FZD2: variants seen among roughly 807,000 people sequenced by gnomAD.
The protein encoded by FZD2 is frizzled-2.
FZD2 carries 17 observed loss-of-function variants against 36.7 expected under a neutral mutation model. The ratio of observed to expected loss-of-function variants is 0.46; its 90% CI spans 0.32 to 0.70. FZD2 has a LOEUF of 0.70. FZD2 is among the 30% of genes least tolerant of loss of function. FZD2 has a pLI of 0.04. For missense variants in FZD2, 525 were observed against 805.6 expected, an observed-to-expected ratio of 0.65 and a Z score of 4.22; for synonymous variants, 333 against 359.6, an observed-to-expected ratio of 0.93 and a Z score of 0.84.
rs555371706 is a variant in FZD2, at chr17:44,561,188, G to A, written c.*1802G>A. Among the ~76,000 whole-genome samples, 25 of 152,190 alleles carry A rather than the reference G, an allele frequency of 1.6e-4. No homozygotes were observed. The highest frequency in any genetic ancestry group is 4.3e-4 in the African/African-American group (18 of 41,524). On this transcript the variant is annotated 3_prime_UTR_variant, in exon 1 of 1. Transcript: ENST00000315323. The stretch of plus-strand genomic sequence containing the variant: ...AAGTATGCCACATAACTCAGTTTTC[G>A]CCATCTTCCATTTCTTAACAGTGTA...
Position 44,560,162 on chromosome 17 carries a change from G to A in FZD2, c.*776G>A, listed in dbSNP as rs974192772. 6.6e-6 allele frequency among the ~76,000 whole-genome samples: 1 copy of A among 152,144 alleles called. No individual in the cohort carries two copies. Among genetic ancestry groups the A allele is most frequent in the Non-Finnish European group, 1.5e-5 (1 of 68,042 alleles). The stretch of plus-strand genomic sequence containing the variant: ...TTCTTTTCAATTCGCTGCACCAAGT[G>A]CTTCCAGTGGCCCAAAAATGCTTTT... On this transcript the variant is annotated 3_prime_UTR_variant, in exon 1 of 1. Transcript: ENST00000315323.
rs918659656 is a variant in FZD2 at position 44,560,187 on chromosome 17, T to C, written c.*801T>C. Among the ~76,000 whole-genome samples the C allele has an allele frequency of 7.2e-5, 11 of 152,132 alleles. No homozygotes were observed. Among genetic ancestry groups the C allele is most frequent in the Non-Finnish European group, 1.5e-4 (10 of 68,028 alleles). ...GCTTCCAGTGGCCCAAAAATGCTTT[T>C]TGAAGTGTGTTTTGAAACAGCCCCC... On this transcript the variant is annotated 3_prime_UTR_variant, in exon 1 of 1. Coordinates refer to ENST00000315323, the MANE Select transcript of FZD2 (RefSeq NM_001466.4).
In FZD2 at chr17:44,558,006, C is replaced by G; in HGVS notation, c.318C>G (p.Ala106=). Residue 106 remains alanine (A), a synonymous_variant, in exon 1 of 1, where the codon GCC becomes GCG. Coordinates refer to ENST00000315323, the MANE Select transcript of FZD2 (RefSeq NM_001466.4). This position sits in a 1 kb window ranked among gnomAD's most constrained non-coding sequence, Gnocchi z 9.3. ...YAPVCTVLEQ[A]IPPCRSICER... is the part of the protein sequence containing the mutation. ...CCGTGTGCACCGTGCTGGAACAGGC[C>G]ATCCCGCCGTGCCGCTCTATCTGTG... is the stretch of plus-strand genomic sequence containing the variant. The G allele has an allele frequency of 6.2e-7, 1 of 1,613,814 alleles. No individual in the cohort carries two copies. The highest frequency in any genetic ancestry group is 8.5e-7 in the Non-Finnish European group (1 of 1,180,016).
Position 44,557,655 on chromosome 17 carries a change from G to T in FZD2, c.-34G>T, listed in dbSNP as rs1201826182. 1.5e-5 allele frequency: 17 copies of T among 1,167,500 alleles called. No homozygotes were observed. In the South Asian group the frequency reaches 4.2e-4, roughly 29 times the overall value. 72.3% of individuals were successfully genotyped at this position (1,167,500 alleles called of 1,614,324 possible). On this transcript the variant is annotated 5_prime_UTR_variant, in exon 1 of 1. Transcript: ENST00000315323. This position sits in a 1 kb window ranked among gnomAD's most constrained non-coding sequence, Gnocchi z 4.9. Reference sequence around the variant, plus strand: ...CGGGTTGGGGGCGGGGGCGGGGGGGGCGCCAAGGAGCCGGGTGGGGGGCGG... The same window carrying T: ...CGGGTTGGGGGCGGGGGCGGGGGGGTCGCCAAGGAGCCGGGTGGGGGGCGG...
At position 44,560,450 on chromosome 17, in the gene FZD2, A is replaced by AAAT. The variant is rs1970876311; in HGVS notation, c.*1064_*1065insAAT. ...TGTTTGGGGCTTATTTTTTTCAAAAAGTGATAAAGACGGGTGGGTTGGAGG... is the reference window on the plus strand; with the variant it reads ...TGTTTGGGGCTTATTTTTTTCAAAAAAATGTGATAAAGACGGGTGGGTTGGAGG... On this transcript the variant is annotated 3_prime_UTR_variant, in exon 1 of 1. Transcript: ENST00000315323. Among the ~76,000 whole-genome samples the AAAT allele has an allele frequency of 2.0e-4, 30 of 150,804 alleles. No homozygotes were observed. Among genetic ancestry groups the AAAT allele is most frequent in the Admixed American group, 2.0e-3 (30 of 15,148 alleles).
In FZD2 at chr17:44,559,414, G is replaced by A. The variant is rs968988981; in HGVS notation, c.*28G>A. 5 of 1,541,468 alleles carry A rather than the reference G, an allele frequency of 3.2e-6. No individual in the cohort carries two copies. The highest frequency in any genetic ancestry group is 4.1e-5 in the Admixed American group (2 of 48,846). On this transcript the variant is annotated 3_prime_UTR_variant, in exon 1 of 1. Coordinates refer to ENST00000315323, the MANE Select transcript of FZD2 (RefSeq NM_001466.4). This position sits in a 1 kb window ranked among gnomAD's most constrained non-coding sequence, Gnocchi z 4.4. The stretch of plus-strand genomic sequence containing the variant: ...GACGCCCCCAGGCCGGAACCGCGCG[G>A]CGCTTTCCTCCGCCCGGGGTGGGGC...
Position 44,559,146 on chromosome 17 carries a change from C to T in FZD2, c.1458C>T (p.Phe486=), listed in dbSNP as rs1970860345. ...VIACYFYEQA[F]REHWERSWVS... is the part of the protein sequence containing the mutation. Reference sequence around the variant, plus strand: ...CTTGCTACTTCTACGAGCAGGCCTTCCGCGAGCACTGGGAGCGCTCGTGGG... The same window carrying T: ...CTTGCTACTTCTACGAGCAGGCCTTTCGCGAGCACTGGGAGCGCTCGTGGG... Residue 486 remains phenylalanine, a synonymous_variant, in exon 1 of 1, where the codon TTC becomes TTT. Transcript: ENST00000315323. This position sits in a 1 kb window ranked among gnomAD's most constrained non-coding sequence, Gnocchi z 4.4. 1 of 1,613,996 alleles carries T rather than the reference C, an allele frequency of 6.2e-7. No individual in the cohort carries two copies. The highest frequency in any genetic ancestry group is 8.5e-7 in the Non-Finnish European group (1 of 1,180,022).
chr17:44,559,587 T>C lies in FZD2; in HGVS notation c.*201T>C. The C allele has an allele frequency of 5.7e-6, 3 of 530,316 alleles. No individual in the cohort carries two copies. Among genetic ancestry groups the C allele is most frequent in the South Asian group, 7.1e-5 (1 of 14,110 alleles). The allele number at this position is 530,316 out of a possible 1,614,324, so 32.9% of individuals were successfully genotyped here. On this transcript the variant is annotated 3_prime_UTR_variant, in exon 1 of 1. Transcript: ENST00000315323. This position sits in a 1 kb window ranked among gnomAD's most constrained non-coding sequence, Gnocchi z 4.4. ...TAAATAGTCTTTGTAAATTTAATTA[T>C]ATATATTTTCTATTTAAAAGAAAAA...
chr17:44,559,368 C>G lies in FZD2; in HGVS notation c.1680C>G (p.His560Gln), dbSNP rs1038724972. 1.9e-6 allele frequency: 3 copies of G among 1,604,950 alleles called. No homozygotes were observed. Among genetic ancestry groups the G allele is most frequent in the South Asian group, 2.2e-5 (2 of 89,784 alleles). Residue 560 changes from histidine (H) to glutamine (Q), a missense_variant, in exon 1 of 1, where the codon CAC (histidine) becomes CAG (glutamine). This residue lies in a region of FZD2 where 189 missense variants were observed against 298.1 expected (regional missense o/e 0.63). Coordinates refer to ENST00000315323, the MANE Select transcript of FZD2 (RefSeq NM_001466.4). The surrounding 1 kb of genome is among the most constrained non-coding windows in gnomAD (Gnocchi z 4.4). Reference protein sequence around the residue: ...KFYTRLTNSRHGETTV With the variant: ...KFYTRLTNSRQGETTV ...ACACTCGCCTCACCAACAGCCGACACGGTGAGACCACCGTGTGAGGGACGC... is the reference window on the plus strand; with the variant it reads ...ACACTCGCCTCACCAACAGCCGACAGGGTGAGACCACCGTGTGAGGGACGC...
rs904602738 is a variant in FZD2 at position 44,557,672 on chromosome 17, G to C, written c.-17G>C. 25 of 1,250,532 alleles carry C rather than the reference G, an allele frequency of 2.0e-5. No individual in the cohort carries two copies. Among genetic ancestry groups the C allele is most frequent in the East Asian group, 3.3e-5 (1 of 30,034 alleles). The allele number at this position is 1,250,532 out of a possible 1,614,324, so 77.5% of individuals were successfully genotyped here. On this transcript the variant is annotated 5_prime_UTR_variant, in exon 1 of 1. Transcript: ENST00000315323. The surrounding 1 kb of genome is among the most constrained non-coding windows in gnomAD (Gnocchi z 4.9). ...CGGGGGGGGCGCCAAGGAGCCGGGT[G>C]GGGGGCGGCGGCCAGCATGCGGCCC... is the stretch of plus-strand genomic sequence containing the variant.
In FZD2 at chr17:44,560,266, G is replaced by A. The variant is rs917871191; in HGVS notation, c.*880G>A. ...ATCCTGCCTCCCTTCATGTCTAGGG[G>A]AAGCATTCGCCTTTGAGCACTTGTT... On this transcript the variant is annotated 3_prime_UTR_variant, in exon 1 of 1. Transcript: ENST00000315323. 1.6e-4 allele frequency among the ~76,000 whole-genome samples: 25 copies of A among 152,156 alleles called. No individual in the cohort carries two copies. Among genetic ancestry groups the A allele is most frequent in the African/African-American group, 5.6e-4 (23 of 41,436 alleles).
Position 44,558,004 on chromosome 17 carries a change from G to C in FZD2, c.316G>C (p.Ala106Pro). The change falls in exon 1 of 1, where the codon GCC (alanine) becomes CCC (proline). Residue 106 changes from alanine to proline, a missense_variant. Ala to Pro is a conservative substitution (Grantham distance 27, BLOSUM62 -1). Coordinates refer to ENST00000315323, the MANE Select transcript of FZD2 (RefSeq NM_001466.4). This position sits in a 1 kb window ranked among gnomAD's most constrained non-coding sequence, Gnocchi z 9.3. ...YAPVCTVLEQ[A>P]IPPCRSICER... ...ACCCGTGTGCACCGTGCTGGAACAG[G>C]CCATCCCGCCGTGCCGCTCTATCTG... The C allele has an allele frequency of 6.2e-7, 1 of 1,613,680 alleles. No homozygotes were observed. The highest frequency in any genetic ancestry group is 8.5e-7 in the Non-Finnish European group (1 of 1,179,994).
Position 44,557,710 on chromosome 17 carries a change from C to A in FZD2, c.22C>A (p.Pro8Thr), listed in dbSNP as rs1391088820. MRPRSAL[P>T]RLLLPLLLLP... Reference sequence around the variant, plus strand: ...CAGCATGCGGCCCCGCAGCGCCCTGCCCCGCCTGCTGCTGCCGCTGCTGCT... The same window carrying A: ...CAGCATGCGGCCCCGCAGCGCCCTGACCCGCCTGCTGCTGCCGCTGCTGCT... Residue 8 changes from proline to threonine, a missense_variant, in exon 1 of 1, where the codon CCC becomes ACC. This residue lies in a region of FZD2 where 44 missense variants were observed against 43.9 expected (regional missense o/e 1.00). Transcript: ENST00000315323. The surrounding 1 kb of genome is among the most constrained non-coding windows in gnomAD (Gnocchi z 4.9). 6.4e-7 allele frequency: 1 copy of A among 1,566,200 alleles called. No homozygotes were observed. Among genetic ancestry groups the A allele is most frequent in the Non-Finnish European group, 8.6e-7 (1 of 1,158,316 alleles).
chr17:44,559,393 C>A lies in FZD2; in HGVS notation c.*7C>A. ...CGGTGAGACCACCGTGTGAGGGACG[C>A]CCCCAGGCCGGAACCGCGCGGCGCT... On this transcript the variant is annotated 3_prime_UTR_variant, in exon 1 of 1. Transcript: ENST00000315323. This position sits in a 1 kb window ranked among gnomAD's most constrained non-coding sequence, Gnocchi z 4.4. 1.9e-6 allele frequency: 3 copies of A among 1,586,858 alleles called. No homozygotes were observed. The highest frequency in any genetic ancestry group is 1.1e-5 in the South Asian group (1 of 87,510).
In FZD2 at chr17:44,558,576, G is replaced by A. The variant is rs1410596031; in HGVS notation, c.888G>A (p.Ala296=). 2 of 1,608,252 alleles carry A rather than the reference G, an allele frequency of 1.2e-6. No homozygotes were observed. Among genetic ancestry groups the A allele is most frequent in the Non-Finnish European group, 8.5e-7 (1 of 1,176,920 alleles). ...CCATGGTGTCGGTGGCCTACATCGC[G>A]GGCTTCGTGCTCCAGGAGCGCGTGG... ...CYTMVSVAYI[A]GFVLQERVVC... Residue 296 remains alanine, a synonymous_variant, in exon 1 of 1, where the codon GCG becomes GCA. Coordinates refer to ENST00000315323, the MANE Select transcript of FZD2 (RefSeq NM_001466.4). This position sits in a 1 kb window ranked among gnomAD's most constrained non-coding sequence, Gnocchi z 9.3.
In FZD2 at chr17:44,559,552, A is replaced by G; in HGVS notation, c.*166A>G. 1 of 803,772 alleles carries G rather than the reference A, an allele frequency of 1.2e-6. No individual in the cohort carries two copies. The highest frequency in any genetic ancestry group is 3.2e-5 in the South Asian group (1 of 31,656). The allele number at this position is 803,772 out of a possible 1,614,324, so 49.8% of individuals were successfully genotyped here. ...GCCCAACACCCCCACAAGGTTTGTA[A>G]TTAAAACTGTAAATAGTCTTTGTAA... On this transcript the variant is annotated 3_prime_UTR_variant, in exon 1 of 1. Transcript: ENST00000315323. The surrounding 1 kb of genome is among the most constrained non-coding windows in gnomAD (Gnocchi z 4.4).
rs1274579640 is a variant in FZD2 at position 44,557,942 on chromosome 17, C to T, written c.254C>T (p.Ser85Leu). 2 of 1,614,028 alleles carry T rather than the reference C, an allele frequency of 1.2e-6. No homozygotes were observed. Among genetic ancestry groups the T allele is most frequent in the African/African-American group, 2.7e-5 (2 of 74,924 alleles). ...TATCCGCTGGTGAAGGTGCAGTGCT[C>T]GCCCGAACTGCGCTTCTTCCTGTGC... ...QFYPLVKVQC[S>L]PELRFFLCSM... Residue 85 changes from serine to leucine, a missense_variant, in exon 1 of 1, where the codon TCG (serine) becomes TTG (leucine). By Grantham distance (145) the Ser-to-Leu change is moderately radical. Around this residue, in one of 5 missense-constraint regions of FZD2, gnomAD observed 29 missense variants for 82.4 expected, o/e 0.35. Coordinates refer to ENST00000315323, the MANE Select transcript of FZD2 (RefSeq NM_001466.4). The surrounding 1 kb of genome is among the most constrained non-coding windows in gnomAD (Gnocchi z 4.9).
At position 44,558,837 on chromosome 17, in the gene FZD2, G is replaced by A. The variant is rs1477161934; in HGVS notation, c.1149G>A (p.Lys383=). 2 of 1,613,886 alleles carry A rather than the reference G, an allele frequency of 1.2e-6. No homozygotes were observed. The highest frequency in any genetic ancestry group is 1.7e-5 in the Admixed American group (1 of 60,012). ...CCGCCTGGGCCGTGCCGGCCGTCAAGACCATCACCATCCTGGCCATGGGCC... is the reference window on the plus strand; with the variant it reads ...CCGCCTGGGCCGTGCCGGCCGTCAAAACCATCACCATCCTGGCCATGGGCC... ...HLAAWAVPAV[K]TITILAMGQI... is the part of the protein sequence containing the mutation. The change falls in exon 1 of 1, where the codon AAG becomes AAA. Residue 383 remains lysine (K), a synonymous_variant. Coordinates refer to ENST00000315323, the MANE Select transcript of FZD2 (RefSeq NM_001466.4). The surrounding 1 kb of genome is among the most constrained non-coding windows in gnomAD (Gnocchi z 9.3).
chr17:44,558,114 G>A lies in FZD2; in HGVS notation c.426G>A (p.Pro142=), dbSNP rs764907918. Residue 142 remains proline, a synonymous_variant, in exon 1 of 1, where the codon CCG becomes CCA. Transcript: ENST00000315323. The surrounding 1 kb of genome is among the most constrained non-coding windows in gnomAD (Gnocchi z 9.3). ...AGCGCCTGCGCTGCGAGCACTTCCC[G>A]CGCCACGGCGCCGAGCAGATCTGCG... ...WPERLRCEHF[P]RHGAEQICVG... 5 of 1,606,690 alleles carry A rather than the reference G, an allele frequency of 3.1e-6. No individual in the cohort carries two copies. The highest frequency in any genetic ancestry group is 4.2e-6 in the Non-Finnish European group (5 of 1,179,656).
Sources: gnomAD v4.1 joint callset for allele counts (sites outside exome capture counted in the v4.1 genomes callset) on GRCh38, gnomAD v4.1.1 for gene constraint, gnomAD v4.1.1 regional missense constraint, Gnocchi (gnomAD v3.1) non-coding constraint, MANE v1.5 for transcripts, NCBI Gene and HGNC (gene_info 2026-07-23, HGNC 2026-07-21) for gene names.